The following MMP16 variants were observed in gnomAD, a reference collection of about 807,000 sequenced individuals.
The protein encoded by MMP16 is matrix metalloproteinase-16.
MMP16 carries 12 observed loss-of-function variants against 67.8 expected under a neutral mutation model. The ratio of observed to expected loss-of-function variants is 0.18; its 90% CI spans 0.11 to 0.29. MMP16 has a LOEUF of 0.29. Among genes scored for constraint, MMP16 ranks in the 10% least tolerant of loss-of-function variants. MMP16 has a pLI of 1.00. For synonymous variants in MMP16, 249 were observed against 255.9 expected (o/e 0.97, Z 0.26); for missense variants, 475 against 765.7 (o/e 0.62, Z 4.48).
chr8:88,066,758 A>C (rs890022842), intron 7 of MMP16, among the ~76,000 whole-genome samples: 2 of 152,142 alleles, frequency 1.3e-5, no homozygotes, highest in Non-Finnish European at 2.9e-5. Flanking sequence ...AGGTTGAAAG[A>C]AAAAGTATCT....
chr8:88,074,890 G>T, intron 6 of MMP16, 147 bp from the exon 7 acceptor site: 1 of 1,050,138 alleles, frequency 9.5e-7, no homozygotes, highest in Non-Finnish European at 1.4e-6. Context: ...TAAACAACTT[G>T]ACCGCAATGA....
At position 88,247,013 on chromosome 8, in the gene MMP16, C is replaced by T. The variant is rs141750235; in HGVS notation, c.133-49707G>A. The stretch of plus-strand genomic sequence containing the variant: ...CATTTGAAATTGTTACAAAATAAGA[C>T]AGTGAATCAGAGGAAGCAGTTCTTC... On this transcript the variant is annotated intron_variant, in intron 1 of 9. Coordinates refer to ENST00000286614, the MANE Select transcript of MMP16 (RefSeq NM_005941.5). 7.8e-4 allele frequency among the ~76,000 whole-genome samples: 119 copies of T among 152,082 alleles called. 1 individual carries two copies. The highest frequency in any genetic ancestry group is 2.5e-3 in the African/African-American group (103 of 41,510).
intron 1 of MMP16, among the ~76,000 whole-genome samples, chr8:88,235,390 CAAA>C (rs35201322): frequency 8.6e-5 from 10 of 116,220 alleles, no homozygotes; most frequent in Non-Finnish European, 1.0e-4. Flanking sequence ...GACTCCATCT[CAAA>C]AAAAAAAAAA....
chr8:88,217,100 A>G (rs1809606707), intron 1 of MMP16, among the ~76,000 whole-genome samples: 1 of 152,028 alleles, frequency 6.6e-6, no homozygotes, highest in Admixed American at 6.6e-5. Context: ...GTTTTTCTGT[A>G]ATTCTTCAAG....
chr8:88,293,921 T>A (rs1810964327), intron 1 of MMP16, among the ~76,000 whole-genome samples: 1 of 152,040 alleles, frequency 6.6e-6, no homozygotes, highest in Admixed American at 6.6e-5. Context: ...CTTTCTAATT[T>A]GATAAGAATG....
chr8:88,270,617 G>A lies in MMP16; in HGVS notation c.132+56458C>T, dbSNP rs60343249. On this transcript the variant is annotated intron_variant, in intron 1 of 9. Transcript: ENST00000286614. ...AAGCAAAAGAGATAAGAATTAAATG[G>A]TTATTGAATTAATAAATGCCTGGCC... is the stretch of plus-strand genomic sequence containing the variant. Among the ~76,000 whole-genome samples the A allele has an allele frequency of 3.1e-3, 467 of 152,224 alleles. 3 individuals carry two copies. Among genetic ancestry groups the A allele is most frequent in the African/African-American group, 0.01 (433 of 41,548 alleles).
At chr8:88,090,719 C>T (rs975654451) in intron 6 of MMP16, among the ~76,000 whole-genome samples, 3 of 151,768 alleles carry the variant, frequency 2.0e-5, no homozygotes, top group Admixed American at 6.6e-5. Context: ...TCTTAAAGAG[C>T]TTTACAAAAT....
At chr8:88,215,543 G>T (rs1586209035) in intron 1 of MMP16, among the ~76,000 whole-genome samples, 1 of 152,048 alleles carries the variant, frequency 6.6e-6, no homozygotes, top group East Asian at 1.9e-4. Flanking sequence ...GAAAGAACAG[G>T]TTGAGATATT....
rs1361119649 is a variant in MMP16 at position 88,034,212 on chromosome 8, AAAGGG to A, written c.*7244_*7248del. 1 of 151,194 alleles carries A rather than the reference AAAGGG, an allele frequency of 6.6e-6. No homozygotes were observed. Among genetic ancestry groups the A allele is most frequent in the African/African-American group, 2.4e-5 (1 of 40,912 alleles). The allele number at this position is 151,194 out of a possible 1,614,324, so 9.4% of individuals were successfully genotyped here. On this transcript the variant is annotated 3_prime_UTR_variant, in exon 10 of 10. Coordinates refer to ENST00000286614, the MANE Select transcript of MMP16 (RefSeq NM_005941.5). ...AATGCTGCTCAATTCTGGTTTTCAC[AAAGGG>A]AAGGGAAAACCAAATCTGTGTAAAA...
chr8:88,104,320 T>A (rs1809198141), intron 6 of MMP16, among the ~76,000 whole-genome samples: 1 of 151,746 alleles, frequency 6.6e-6, no homozygotes, highest in African/African-American at 2.4e-5. Flanking sequence ...TAATCATGTC[T>A]CATTGTTTCA....
intron 1 of MMP16, among the ~76,000 whole-genome samples, chr8:88,248,950 T>C (rs1200608743): frequency 6.6e-6 from 1 of 152,074 alleles, no homozygotes; most frequent in Non-Finnish European, 1.5e-5. Context: ...AGAAAATCTC[T>C]TACTTAATTT....
intron 1 of MMP16, among the ~76,000 whole-genome samples, chr8:88,282,704 T>C (rs949611394): frequency 4.6e-5 from 7 of 152,206 alleles, no homozygotes; most frequent in Non-Finnish European, 8.8e-5. Flanking sequence ...GGTAGCTATA[T>C]TATTATTTTC....
intron 1 of MMP16, among the ~76,000 whole-genome samples, chr8:88,285,615 T>TG (rs1331220568): frequency 1.3e-5 from 2 of 152,326 alleles, no homozygotes; most frequent in Non-Finnish European, 2.9e-5. Flanking sequence ...TGCCCCTTCT[T>TG]GCCTTACTGA....
intron 1 of MMP16, among the ~76,000 whole-genome samples, chr8:88,305,295 C>G (rs1252949848): frequency 1.3e-5 from 2 of 152,092 alleles, no homozygotes; most frequent in African/African-American, 4.8e-5. Context: ...ATTCATAAGC[C>G]AAGTGTTTAG....
At chr8:88,235,793 A>G (rs905190164) in intron 1 of MMP16, among the ~76,000 whole-genome samples, 1 of 152,136 alleles carries the variant, frequency 6.6e-6, no homozygotes, top group Non-Finnish European at 1.5e-5. Flanking sequence ...CTTCCAATAC[A>G]TTGTTATGTA....
At chr8:88,290,219 G>A (rs36013966) in intron 1 of MMP16, among the ~76,000 whole-genome samples, 45,144 of 151,902 alleles carry the variant, frequency 0.3, 7,219 homozygotes, top group African/African-American at 0.41. Context: ...TGATCTATAC[G>A]CAGAGATAAA....
At chr8:88,155,165 A>G (rs1808487622) in intron 4 of MMP16, among the ~76,000 whole-genome samples, 1 of 152,100 alleles carries the variant, frequency 6.6e-6, no homozygotes, top group Non-Finnish European at 1.5e-5. Context: ...TTATGTTACT[A>G]CTAAATCACA....
intron 1 of MMP16, among the ~76,000 whole-genome samples, chr8:88,222,313 A>G (rs1809696125): frequency 6.6e-6 from 1 of 152,140 alleles, no homozygotes; most frequent in African/African-American, 2.4e-5. Context: ...TCAAGCTACC[A>G]ATGACTTTCT....
At chr8:88,212,180 T>A (rs889637963) in intron 1 of MMP16, among the ~76,000 whole-genome samples, 1 of 152,158 alleles carries the variant, frequency 6.6e-6, no homozygotes, top group Non-Finnish European at 1.5e-5. Context: ...CAAGTCATCA[T>A]GTGAGAGGTA....
Sources: allele counts gnomAD v4.1 joint callset (sites outside exome capture counted in the v4.1 genomes callset), GRCh38; gene constraint gnomAD v4.1.1; transcripts MANE v1.5; gene names NCBI Gene and HGNC (gene_info 2026-07-23, HGNC 2026-07-21).